The following EPN3 variants were observed in gnomAD, a reference collection of about 807,000 sequenced individuals.
EPN3 encodes epsin 3, also known as epsin-3.
EPN3 carries 56 observed loss-of-function variants against 55.5 expected under a neutral mutation model. That is an observed-to-expected ratio of 1.01 (90% CI 0.81 to 1.26). The LOEUF (loss-of-function observed/expected upper bound fraction) is 1.26. Among genes scored for constraint, EPN3 ranks in the 50% most tolerant of loss-of-function variants. The pLI is 0.00. For missense variants in EPN3, 927 were observed against 853.4 expected (o/e 1.09, Z -1.07); for synonymous variants, 449 against 375.2 (o/e 1.20, Z -2.27).
chr17:50,543,515 A>G lies in EPN3; in HGVS notation c.*1358A>G, dbSNP rs1404856533. 1 of 152,218 alleles carries G rather than the reference A, an allele frequency of 6.6e-6. No individual in the cohort carries two copies. The highest frequency in any genetic ancestry group is 2.4e-5 in the African/African-American group (1 of 41,452). 9.4% of individuals were successfully genotyped at this position (152,218 alleles called of 1,614,324 possible). On this transcript the variant is annotated 3_prime_UTR_variant, in exon 10 of 10. Coordinates refer to ENST00000268933, the MANE Select transcript of EPN3 (RefSeq NM_017957.3). ...AGCCTCCATCCCCCTTTCAGGGACA[A>G]ATGGCCTTCCACCAGAGTCGGTGAG...
At position 50,541,218 on chromosome 17, in the gene EPN3, T is replaced by C. The variant is rs201376985; in HGVS notation, c.1250-11T>C. The C allele has an allele frequency of 3.7e-6, 6 of 1,613,522 alleles. No homozygotes were observed. Among genetic ancestry groups the C allele is most frequent in the South Asian group, 2.2e-5 (2 of 91,070 alleles). ...TGTCAACCCATCTCCTCTTCCTCTC[T>C]CTCTTCCGAGGTGGTGCCTCGACCT... On this transcript the variant is annotated splice_polypyrimidine_tract_variant and intron_variant, in intron 7 of 9. Transcript: ENST00000268933.
intron 1 of EPN3, among the ~76,000 whole-genome samples, chr17:50,533,944 C>G (rs1276134411): frequency 1.3e-5 from 2 of 152,244 alleles, no homozygotes; most frequent in East Asian, 1.9e-4. Flanking sequence ...ACCGCCTTAT[C>G]GGCCGCTGGG....
intron 1 of EPN3, 80 bp downstream of exon 1, chr17:50,533,065 G>T (rs1002469918): frequency 3.3e-6 from 3 of 907,206 alleles, no homozygotes; most frequent in Non-Finnish European, 4.5e-6. Flanking sequence ...AGTGGTTCTG[G>T]GGCTTAGTCT....
chr17:50,537,012 G>A lies in EPN3; in HGVS notation c.456G>A (p.Glu152=), dbSNP rs767497728. The A allele has an allele frequency of 1.9e-6, 3 of 1,613,472 alleles. No individual in the cohort carries two copies. The highest frequency in any genetic ancestry group is 2.2e-5 in the South Asian group (2 of 91,080). ...QERTHALKTK[E]RMALEGIGIG... ...GAACCCACGCCCTCAAGACCAAGGA[G>A]CGCATGGCACTGGAGGGCATCGGCA... Residue 152 remains glutamate, a synonymous_variant, in exon 2 of 10, where the codon GAG becomes GAA. Coordinates refer to ENST00000268933, the MANE Select transcript of EPN3 (RefSeq NM_017957.3).
In EPN3 at chr17:50,536,578, C is replaced by T. The variant is rs556561218; in HGVS notation, c.22C>T (p.Arg8Cys). 25 of 1,613,964 alleles carry T rather than the reference C, an allele frequency of 1.5e-5. No homozygotes were observed. In the East Asian group the frequency reaches 3.8e-4, roughly 24 times the overall value. The change falls in exon 2 of 10, where the codon CGC (arginine) becomes TGC (cysteine). Residue 8 changes from arginine (R) to cysteine (C), a missense_variant. Transcript: ENST00000268933. MTTSALRRQVKNIVHNYS... is the reference protein window; with the variant it reads MTTSALRCQVKNIVHNYS... Reference sequence around the variant, plus strand: ...AGCCATGACGACCTCCGCACTCCGGCGCCAGGTGAAGAACATCGTGCACAA... The same window carrying T: ...AGCCATGACGACCTCCGCACTCCGGTGCCAGGTGAAGAACATCGTGCACAA...
rs750776369 is a variant in EPN3, at chr17:50,539,361, T to C, written c.891+46T>C. The stretch of plus-strand genomic sequence containing the variant: ...CTTGGGATGGACAGGGCCTAAGAGA[T>C]GGACTGAGTATTTGTAAAGAGAGAG... On this transcript the variant is annotated intron_variant, in intron 5 of 9. Transcript: ENST00000268933. 6 of 1,611,002 alleles carry C rather than the reference T, an allele frequency of 3.7e-6. No individual in the cohort carries two copies. The East Asian group carries it at 6.7e-5, about 18-fold the overall frequency.
At chr17:50,540,132 AG>A in intron 5 of EPN3, 114 bp from the exon 6 acceptor site, 1 of 727,004 alleles carries the variant, frequency 1.4e-6, no homozygotes, top group Non-Finnish European at 2.4e-6. Context: ...GATCATGAAT[AG>A]GTATCTGTGG....
In EPN3 at chr17:50,536,587, A is replaced by G. The variant is rs1211334788; in HGVS notation, c.31A>G (p.Lys11Glu). 1.2e-6 allele frequency: 2 copies of G among 1,614,026 alleles called. No individual in the cohort carries two copies. The highest frequency in any genetic ancestry group is 1.7e-6 in the Non-Finnish European group (2 of 1,180,034). The change falls in exon 2 of 10, where the codon AAG becomes GAG. Residue 11 changes from lysine (K) to glutamate (E), a missense_variant. Transcript: ENST00000268933. MTTSALRRQVKNIVHNYSEAE... is the reference protein window; with the variant it reads MTTSALRRQVENIVHNYSEAE... Reference sequence around the variant, plus strand: ...GACCTCCGCACTCCGGCGCCAGGTGAAGAACATCGTGCACAACTACTCCGA... The same window carrying G: ...GACCTCCGCACTCCGGCGCCAGGTGGAGAACATCGTGCACAACTACTCCGA...
chr17:50,536,352 G>A (rs1422537482), intron 1 of EPN3, 69 bp from the exon 2 acceptor site: 20 of 1,332,950 alleles, frequency 1.5e-5, no homozygotes, highest in Non-Finnish European at 1.9e-5. Flanking sequence ...GCCTCATTTA[G>A]TTGGTCAGTG....
In EPN3 at chr17:50,536,935, G is replaced by C. The variant is rs1249890116; in HGVS notation, c.379G>C (p.Val127Leu). The C allele has an allele frequency of 6.2e-7, 1 of 1,614,154 alleles. No individual in the cohort carries two copies. The highest frequency in any genetic ancestry group is 2.2e-5 in the East Asian group (1 of 44,888). Reference sequence around the variant, plus strand: ...CCAGGGCGTCAACGTGCGCGAGAAGGTCAAGCAGGTGATGGCCCTGCTCAA... The same window carrying C: ...CCAGGGCGTCAACGTGCGCGAGAAGCTCAAGCAGGTGATGGCCCTGCTCAA... ...KDQGVNVREK[V>L]KQVMALLKDE... The change falls in exon 2 of 10, where the codon GTC (valine) becomes CTC (leucine). Residue 127 changes from valine to leucine, a missense_variant. By Grantham distance (32) the Val-to-Leu change is conservative (BLOSUM62 1). Transcript: ENST00000268933.
Position 50,536,669 on chromosome 17 carries a change from C to T in EPN3, c.113C>T (p.Ser38Leu), listed in dbSNP as rs1365357138. The change falls in exon 2 of 10, where the codon TCG becomes TTG. Residue 38 changes from serine to leucine, a missense_variant. Ser to Leu is a moderately radical substitution (Grantham distance 145, BLOSUM62 -2). Coordinates refer to ENST00000268933, the MANE Select transcript of EPN3 (RefSeq NM_017957.3). ...TSNDPWGPPS[S>L]LMSEIADLTF... Reference sequence around the variant, plus strand: ...AATGACCCCTGGGGCCCCCCTAGTTCGCTCATGTCCGAGATCGCTGACCTG... The same window carrying T: ...AATGACCCCTGGGGCCCCCCTAGTTTGCTCATGTCCGAGATCGCTGACCTG... The T allele has an allele frequency of 5.0e-6, 8 of 1,613,884 alleles. No homozygotes were observed. Among genetic ancestry groups the T allele is most frequent in the East Asian group, 2.2e-5 (1 of 44,872 alleles).
rs770687434 is a variant in EPN3, at chr17:50,539,325, G to A, written c.891+10G>A. 1.9e-6 allele frequency: 3 copies of A among 1,613,878 alleles called. No individual in the cohort carries two copies. Among genetic ancestry groups the A allele is most frequent in the East Asian group, 4.5e-5 (2 of 44,850 alleles). On this transcript the variant is annotated intron_variant, in intron 5 of 9. Coordinates refer to ENST00000268933, the MANE Select transcript of EPN3 (RefSeq NM_017957.3). ...GCTAAAAACCAGCCAGGTAGGGAGT[G>A]GGCTGCGGTGCTTGGGATGGACAGG...
rs558459688 is a variant in EPN3 at position 50,533,088 on chromosome 17, C to T, written c.-137+103C>T. On this transcript the variant is annotated intron_variant, in intron 1 of 9. Coordinates refer to ENST00000268933, the MANE Select transcript of EPN3 (RefSeq NM_017957.3). ...TGGGGCTTAGTCTCTTTTCCAGGTGCGAGGGAGAAGGCTGAGCTGTAGAGG... is the reference window on the plus strand; with the variant it reads ...TGGGGCTTAGTCTCTTTTCCAGGTGTGAGGGAGAAGGCTGAGCTGTAGAGG... The T allele has an allele frequency of 2.9e-4, 201 of 698,442 alleles. 1 individual carries two copies. Among genetic ancestry groups the T allele is most frequent in the South Asian group, 2.8e-3 (167 of 58,946 alleles). The allele number at this position is 698,442 out of a possible 1,614,324, so 43.3% of individuals were successfully genotyped here. A position where few individuals can be genotyped will look rare whatever the true frequency, so the allele number is the denominator to read the frequency against.
chr17:50,536,571 A>G lies in EPN3; in HGVS notation c.15A>G (p.Ala5=), dbSNP rs1356991689. 3.1e-6 allele frequency: 5 copies of G among 1,613,636 alleles called. No individual in the cohort carries two copies. Among genetic ancestry groups the G allele is most frequent in the Non-Finnish European group, 3.4e-6 (4 of 1,179,978 alleles). The part of the protein sequence containing the change: MTTS[A]LRRQVKNIVH... ...AGTCTCCAGCCATGACGACCTCCGC[A>G]CTCCGGCGCCAGGTGAAGAACATCG... The change falls in exon 2 of 10, where the codon GCA becomes GCG. Residue 5 remains alanine (A), a synonymous_variant. Transcript: ENST00000268933.
chr17:50,538,841 G>T, intron 3 of EPN3, 43 bp from the exon 4 acceptor site: 1 of 1,474,186 alleles, frequency 6.8e-7, no homozygotes, highest in Admixed American at 2.2e-5. Context: ...CTGGTCCCAA[G>T]GTGGGGGTAC....
chr17:50,541,367 G>A (rs1281164925), intron 8 of EPN3, 34 bp downstream of exon 8: 3 of 1,608,328 alleles, frequency 1.9e-6, no homozygotes, highest in Non-Finnish European at 2.5e-6. Context: ...AGGCTCTGGG[G>A]AATGAGGGGC....
chr17:50,541,192 T>G, intron 7 of EPN3, 37 bp from the exon 8 acceptor site: 1 of 1,612,376 alleles, frequency 6.2e-7, no homozygotes, highest in Middle Eastern at 1.6e-4. Context: ...CCTGCCCTTT[T>G]TGTCAACCCA....
At position 50,538,208 on chromosome 17, in the gene EPN3, G is replaced by A. The variant is rs752464785; in HGVS notation, c.681+11G>A. The A allele has an allele frequency of 6.2e-7, 1 of 1,602,244 alleles. No homozygotes were observed. The highest frequency in any genetic ancestry group is 1.1e-5 in the South Asian group (1 of 90,818). On this transcript the variant is annotated intron_variant, in intron 3 of 9. Transcript: ENST00000268933. ...GAGGAGGCAGAGAAGGTGAGGCCAT[G>A]CAGCCCCACTGCGGTGGGGAGGGGA... is the stretch of plus-strand genomic sequence containing the variant.
At chr17:50,539,433 G>A in intron 5 of EPN3, 118 bp downstream of exon 5, 2 of 1,449,306 alleles carry the variant, frequency 1.4e-6, no homozygotes, top group Non-Finnish European at 9.3e-7. Context: ...TTTATTCGAT[G>A]AAATAGGGGT....
Sources: allele counts gnomAD v4.1 joint callset (sites outside exome capture counted in the v4.1 genomes callset), GRCh38; gene constraint gnomAD v4.1.1; transcripts MANE v1.5; gene names NCBI Gene and HGNC (gene_info 2026-07-23, HGNC 2026-07-21).